The following ITGA9 variants were observed in gnomAD, a reference collection of about 807,000 sequenced individuals.
ITGA9 encodes the protein integrin alpha-9.
In ITGA9, 56 loss-of-function variants were observed where a neutral mutation model predicts 127.8. The observed-to-expected ratio is 0.44, with a 90% CI of 0.35 to 0.55. The LOEUF is 0.55. ITGA9 is among the 20% of genes least tolerant of loss of function. The pLI is 0.00. For synonymous variants in ITGA9, 508 were observed against 514.5 expected (o/e 0.99, Z 0.17); for missense variants, 1,196 against 1,347.1 (o/e 0.89, Z 1.76).
rs1553640422 is a variant in ITGA9, at chr3:37,459,908, G to T, written c.185+7349G>T. Among the ~76,000 whole-genome samples, 7 of 152,266 alleles carry T rather than the reference G, an allele frequency of 4.6e-5. No individual in the cohort carries two copies. In the South Asian group the frequency reaches 1.5e-3, roughly 32 times the overall value. On this transcript the variant is annotated intron_variant, in intron 1 of 27. Coordinates refer to ENST00000264741, the MANE Select transcript of ITGA9 (RefSeq NM_002207.3). The stretch of plus-strand genomic sequence containing the variant: ...TTCATGACCCACTGGCTACTCTTGG[G>T]GGGATGCTAGGGTTCTGTTTTCTGG...
chr3:37,533,517 G>A (rs779365967), intron 14 of ITGA9, 49 bp downstream of exon 14: 59 of 1,588,586 alleles, frequency 3.7e-5, no homozygotes, highest in Non-Finnish European at 4.3e-5. Flanking sequence ...AGCTGGAGTG[G>A]GCTAGTGGGA....
intron 17 of ITGA9, among the ~76,000 whole-genome samples, chr3:37,673,586 A>T (rs950637339): frequency 2.0e-5 from 3 of 151,684 alleles, no homozygotes; most frequent in African/African-American, 7.3e-5. Context: ...AGTCCCTCCA[A>T]CTCTAAGGGT....
At chr3:37,755,374 C>G (rs569335077) in intron 23 of ITGA9, among the ~76,000 whole-genome samples, 2 of 152,144 alleles carry the variant, frequency 1.3e-5, no homozygotes, top group East Asian at 3.9e-4. Context: ...GAGGAGTAGA[C>G]CCCCAAGAAT....
At chr3:37,777,552 T>C (rs753747398) in intron 24 of ITGA9, 35 bp downstream of exon 24, 4 of 1,612,230 alleles carry the variant, frequency 2.5e-6, no homozygotes, top group Non-Finnish European at 3.4e-6. Flanking sequence ...GTAACACGGG[T>C]GGTCCTCACT....
At chr3:37,566,504 T>C (rs778421460) in intron 15 of ITGA9, among the ~76,000 whole-genome samples, 1 of 152,232 alleles carries the variant, frequency 6.6e-6, no homozygotes, top group Admixed American at 6.5e-5. Flanking sequence ...GAAACTGTTA[T>C]TGGTTTAATA....
chr3:37,759,014 C>G (rs1696690882), intron 23 of ITGA9, among the ~76,000 whole-genome samples: 1 of 151,486 alleles, frequency 6.6e-6, no homozygotes, highest in Admixed American at 6.6e-5. Context: ...CCAGGACAGC[C>G]CCTACAAAAC....
At chr3:37,817,929 G>C (rs1393711989) in intron 27 of ITGA9, among the ~76,000 whole-genome samples, 3 of 152,094 alleles carry the variant, frequency 2.0e-5, no homozygotes, top group African/African-American at 7.2e-5. Flanking sequence ...GCTGACTGTG[G>C]TGCACAGACA....
At chr3:37,472,508 C>G (rs1015137811) in intron 2 of ITGA9, among the ~76,000 whole-genome samples, 1 of 152,118 alleles carries the variant, frequency 6.6e-6, no homozygotes, top group East Asian at 1.9e-4. Context: ...AAGCGATTCT[C>G]CTGCCTCAGC....
intron 3 of ITGA9, among the ~76,000 whole-genome samples, chr3:37,476,978 T>A (rs1698501074): frequency 6.6e-6 from 1 of 152,170 alleles, no homozygotes; most frequent in Non-Finnish European, 1.5e-5. Flanking sequence ...TCTTGGTGGC[T>A]GATTCTAAGT....
At chr3:37,477,461 C>G (rs1698505499) in intron 3 of ITGA9, among the ~76,000 whole-genome samples, 1 of 152,214 alleles carries the variant, frequency 6.6e-6, no homozygotes, top group African/African-American at 2.4e-5. Flanking sequence ...GATTGTCAGG[C>G]TGGTCTGGCA....
At chr3:37,505,766 G>A (rs80053212) in intron 6 of ITGA9, among the ~76,000 whole-genome samples, 5,788 of 152,256 alleles carry the variant, frequency 0.038, 128 homozygotes, top group Non-Finnish European at 0.051. Context: ...GTACTTGTCC[G>A]AAAGAAGACA....
At chr3:37,551,990 A>G (rs1005184460) in intron 15 of ITGA9, among the ~76,000 whole-genome samples, 1 of 152,180 alleles carries the variant, frequency 6.6e-6, no homozygotes, top group Non-Finnish European at 1.5e-5. Context: ...CAGAGGCTGG[A>G]GTGAGTGGCT....
intron 27 of ITGA9, among the ~76,000 whole-genome samples, chr3:37,817,472 A>G (rs1697449574): frequency 6.6e-6 from 1 of 152,200 alleles, no homozygotes; most frequent in Non-Finnish European, 1.5e-5. Context: ...CAGGGAAGGA[A>G]GCCAATAAAA....
intron 15 of ITGA9, among the ~76,000 whole-genome samples, chr3:37,559,121 T>C (rs1699460499): frequency 6.6e-6 from 1 of 152,206 alleles, no homozygotes; most frequent in Admixed American, 6.5e-5. Context: ...AAATAAATGA[T>C]GGAGTAGGTT....
At chr3:37,778,632 A>T (rs76514489) in intron 24 of ITGA9, among the ~76,000 whole-genome samples, 2 of 151,874 alleles carry the variant, frequency 1.3e-5, no homozygotes, top group African/African-American at 4.8e-5. Flanking sequence ...AAAAAAAAAA[A>T]TTATAAAGAC....
rs1382378694 is a variant in ITGA9 at position 37,471,060 on chromosome 3, C to T, written c.239C>T (p.Ser80Phe). Residue 80 changes from serine (S) to phenylalanine (F), a missense_variant, in exon 2 of 28, where the codon TCT (serine) becomes TTT (phenylalanine). Coordinates refer to ENST00000264741, the MANE Select transcript of ITGA9 (RefSeq NM_002207.3). ...TCCAAATACAGCCCTTCAGTGAAGT[C>T]TCCTGGGGCTGTGTTTAAGTGCCGT... ...ADSKYSPSVK[S>F]PGAVFKCRVH... is the part of the protein sequence containing the mutation. 1 of 1,614,048 alleles carries T rather than the reference C, an allele frequency of 6.2e-7. No homozygotes were observed. The highest frequency in any genetic ancestry group is 2.2e-5 in the East Asian group (1 of 44,886).
At chr3:37,684,917 C>T (rs941005831) in intron 18 of ITGA9, among the ~76,000 whole-genome samples, 1 of 152,148 alleles carries the variant, frequency 6.6e-6, no homozygotes, top group African/African-American at 2.4e-5. Flanking sequence ...CCATAATCAT[C>T]CCGAGTGTAC....
chr3:37,660,000 A>ACT (rs1700517873), intron 17 of ITGA9, among the ~76,000 whole-genome samples: 1 of 151,464 alleles, frequency 6.6e-6, no homozygotes, highest in African/African-American at 2.4e-5. Flanking sequence ...ACACACACAC[A>ACT]CACGCACACA....
chr3:37,512,462 C>G (rs1698941925), intron 8 of ITGA9, among the ~76,000 whole-genome samples: 1 of 151,796 alleles, frequency 6.6e-6, no homozygotes, highest in African/African-American at 2.4e-5. Flanking sequence ...TTGTGATCCA[C>G]CCGCCTCCCA....
Sources: gnomAD v4.1 joint callset for allele counts (sites outside exome capture counted in the v4.1 genomes callset) on GRCh38, gnomAD v4.1.1 for gene constraint, MANE v1.5 for transcripts, NCBI Gene and HGNC (gene_info 2026-07-23, HGNC 2026-07-21) for gene names.